CADM1: variants seen among roughly 807,000 people sequenced by gnomAD.
CADM1 encodes cell adhesion molecule 1, also known as TSLC-1.
In CADM1, 15 loss-of-function variants were observed where a neutral mutation model predicts 53.1. The ratio of observed to expected loss-of-function variants is 0.28; its 90% confidence interval spans 0.19 to 0.44. The LOEUF (loss-of-function observed/expected upper bound fraction) is 0.44. Ranked by LOEUF, CADM1 falls within the 20% of genes least tolerant of loss-of-function variation. CADM1 has a pLI of 1.00. For missense variants in CADM1, 434 were observed against 611.3 expected (o/e 0.71, Z 3.06); for synonymous variants, 281 against 243.0 (o/e 1.16, Z -1.45).
At chr11:115,390,880 A>G (rs1462116486) in intron 1 of CADM1, among the ~76,000 whole-genome samples, 3 of 152,226 alleles carry the variant, frequency 2.0e-5, no homozygotes, top group Admixed American at 2.0e-4. Flanking sequence ...CTCAGCCAAT[A>G]AAATAATTAA....
chr11:115,318,765 A>G (rs1220381270), intron 1 of CADM1, among the ~76,000 whole-genome samples: 1 of 152,156 alleles, frequency 6.6e-6, no homozygotes, highest in Admixed American at 6.6e-5. Flanking sequence ...TACAGACAGC[A>G]ATAAAGACAT....
At chr11:115,375,090 C>A (rs1447514200) in intron 1 of CADM1, among the ~76,000 whole-genome samples, 1 of 152,048 alleles carries the variant, frequency 6.6e-6, no homozygotes, top group Non-Finnish European at 1.5e-5. Flanking sequence ...AAAGATAGTA[C>A]AATGTCTATA....
chr11:115,198,030 T>C (rs1327349368), intron 9 of CADM1, among the ~76,000 whole-genome samples: 4 of 152,220 alleles, frequency 2.6e-5, no homozygotes, highest in Non-Finnish European at 5.9e-5. Context: ...GACTATGGCC[T>C]ATATATAAAC....
At position 115,356,120 on chromosome 11, in the gene CADM1, C is replaced by T. The variant is rs555426276; in HGVS notation, c.125-115700G>A. 4.0e-3 allele frequency among the ~76,000 whole-genome samples: 602 copies of T among 152,068 alleles called. 3 individuals are homozygous for T. Among genetic ancestry groups the T allele is most frequent in the African/African-American group, 0.014 (562 of 41,508 alleles). On this transcript the variant is annotated intron_variant, in intron 1 of 11. Transcript: ENST00000331581. The stretch of plus-strand genomic sequence containing the variant: ...TGCTGGGATTACAGGCGTAAGCTAC[C>T]GCGCCCGGCTGAGGTACACTATAAT...
At chr11:115,258,028 T>C (rs1461931311) in intron 1 of CADM1, among the ~76,000 whole-genome samples, 2 of 152,182 alleles carry the variant, frequency 1.3e-5, no homozygotes, top group Non-Finnish European at 2.9e-5. Context: ...ATCAAAGTAT[T>C]TGCCTATTTT....
intron 1 of CADM1, among the ~76,000 whole-genome samples, chr11:115,400,639 A>ATGTG (rs1194789992): frequency 8.0e-4 from 59 of 73,318 alleles, no homozygotes; most frequent in South Asian, 9.7e-4. Context: ...TATCATATAT[A>ATGTG]TGTGTGTGTG....
intron 1 of CADM1, among the ~76,000 whole-genome samples, chr11:115,355,467 G>T (rs988811968): frequency 2.0e-5 from 3 of 152,128 alleles, no homozygotes; most frequent in African/African-American, 7.2e-5. Flanking sequence ...CCTACTTGAG[G>T]GTAGAGGCTG....
At chr11:115,479,745 C>G (rs1410251982) in intron 1 of CADM1, among the ~76,000 whole-genome samples, 3 of 152,154 alleles carry the variant, frequency 2.0e-5, no homozygotes, top group African/African-American at 7.2e-5. Flanking sequence ...TTCCCCTGCT[C>G]CAAACTAAAT....
intron 1 of CADM1, among the ~76,000 whole-genome samples, chr11:115,405,359 G>A (rs760061784): frequency 3.3e-5 from 5 of 152,194 alleles, no homozygotes; most frequent in Non-Finnish European, 7.3e-5. Context: ...ACGAAGCTAT[G>A]AGAGTTCTCC....
rs1179733745 is a variant in CADM1, at chr11:115,173,034, A to G, written c.*3440T>C. On this transcript the variant is annotated 3_prime_UTR_variant, in exon 12 of 12. Transcript: ENST00000331581. ...CCTGCAAGGCAAGGACGATGACAACAGAGCAAATCCTGCTGTCTACCCAGG... is the reference window on the plus strand; with the variant it reads ...CCTGCAAGGCAAGGACGATGACAACGGAGCAAATCCTGCTGTCTACCCAGG... 6.6e-6 allele frequency: 1 copy of G among 152,280 alleles called. No individual in the cohort carries two copies. The highest frequency in any genetic ancestry group is 6.5e-5 in the Admixed American group (1 of 15,288). 9.4% of individuals were successfully genotyped at this position (152,280 alleles called of 1,614,324 possible).
chr11:115,335,476 G>A (rs1275138909), intron 1 of CADM1, among the ~76,000 whole-genome samples: 2 of 152,048 alleles, frequency 1.3e-5, no homozygotes, highest in East Asian at 1.9e-4. Flanking sequence ...GTTGTAAAAG[G>A]AAAAGTATTT....
chr11:115,456,969 G>C (rs971938605), intron 1 of CADM1, among the ~76,000 whole-genome samples: 6 of 152,110 alleles, frequency 3.9e-5, no homozygotes, highest in African/African-American at 1.4e-4. Context: ...AGCTCAGTAA[G>C]GACAGGAACC....
At chr11:115,468,743 C>T (rs1948947059) in intron 1 of CADM1, among the ~76,000 whole-genome samples, 1 of 152,140 alleles carries the variant, frequency 6.6e-6, no homozygotes, top group Non-Finnish European at 1.5e-5. Context: ...CAGACTAGGG[C>T]ATGATACCTG....
At chr11:115,476,014 T>C (rs1232044565) in intron 1 of CADM1, among the ~76,000 whole-genome samples, 1 of 152,216 alleles carries the variant, frequency 6.6e-6, no homozygotes, top group Admixed American at 6.5e-5. Flanking sequence ...TATAAAATAG[T>C]AGTGGGAACT....
chr11:115,187,752 A>G (rs911861538), intron 10 of CADM1, among the ~76,000 whole-genome samples: 1 of 152,186 alleles, frequency 6.6e-6, no homozygotes, highest in Non-Finnish European at 1.5e-5. Context: ...AATATAGGCT[A>G]TATTTTGAAG....
intron 1 of CADM1, chr11:115,240,908 A>T (rs1942204561): frequency 5.3e-6 from 1 of 190,366 alleles, no homozygotes; most frequent in African/African-American, 2.4e-5. Flanking sequence ...TGATGTTGAC[A>T]GTCCCAATGT....
chr11:115,224,605 C>T (rs1941533210), intron 5 of CADM1, among the ~76,000 whole-genome samples: 1 of 152,162 alleles, frequency 6.6e-6, no homozygotes, highest in East Asian at 1.9e-4. Flanking sequence ...AAAGCAGAAG[C>T]CACACAGCAG....
chr11:115,418,826 G>A (rs935847311), intron 1 of CADM1, among the ~76,000 whole-genome samples: 2 of 152,140 alleles, frequency 1.3e-5, no homozygotes, highest in Non-Finnish European at 2.9e-5. Context: ...ATGCAAATGT[G>A]AGACTTTACA....
chr11:115,277,310 C>T lies in CADM1; in HGVS notation c.125-36890G>A, dbSNP rs148513954. ...GGCTTGACAAAATACACAGGGCTCA[C>T]AGCTCCCTGAAATGCATGCTAAAGA... On this transcript the variant is annotated intron_variant, in intron 1 of 11. Transcript: ENST00000331581. 1.3e-3 allele frequency among the ~76,000 whole-genome samples: 195 copies of T among 152,326 alleles called. 1 individual carries two copies. Among genetic ancestry groups the T allele is most frequent in the Non-Finnish European group, 2.5e-3 (167 of 68,040 alleles).
Sources: gnomAD v4.1 joint callset for allele counts (sites outside exome capture counted in the v4.1 genomes callset) on GRCh38, gnomAD v4.1.1 for gene constraint, MANE v1.5 for transcripts, NCBI Gene and HGNC (gene_info 2026-07-23, HGNC 2026-07-21) for gene names.